Variants in CHRNA4 observed in about 807,000 individuals in gnomAD.
CHRNA4 encodes neuronal acetylcholine receptor subunit alpha-4.
Under a neutral mutation model 48.9 loss-of-function variants are expected in CHRNA4, and 28 were observed. The observed-to-expected ratio is 0.57, with a 90% confidence interval of 0.42 to 0.79. The LOEUF is 0.79. Among genes scored for constraint, CHRNA4 ranks in the 30% least tolerant of loss-of-function variants. The pLI, the probability that CHRNA4 is intolerant of heterozygous loss-of-function variation, is 0.00. For missense variants in CHRNA4, 859 were observed against 898.4 expected, an observed-to-expected ratio of 0.96 and a Z score of 0.56; for synonymous variants, 425 against 402.3, an observed-to-expected ratio of 1.06 and a Z score of -0.68.
chr20:63,347,233 G>A (rs968375500), intron 5 of CHRNA4, among the ~76,000 whole-genome samples: 6 of 152,216 alleles, frequency 3.9e-5, no homozygotes, highest in Non-Finnish European at 7.4e-5. Flanking sequence ...CAGGCACCCC[G>A]TGAGCGGTCT....
At chr20:63,354,106 C>T (rs2068676951) in intron 4 of CHRNA4, among the ~76,000 whole-genome samples, 1 of 98,808 alleles carries the variant, frequency 1.0e-5, no homozygotes, top group Non-Finnish European at 1.9e-5. Context: ...GCACTGTAGC[C>T]CTAGGGTGGG....
chr20:63,356,416 C>G lies in CHRNA4; in HGVS notation c.229-1G>C. 3 of 1,600,900 alleles carry G rather than the reference C, an allele frequency of 1.9e-6. No individual in the cohort carries two copies. The highest frequency in any genetic ancestry group is 2.6e-6 in the Non-Finnish European group (3 of 1,174,118). On this transcript the variant is annotated splice_acceptor_variant, in intron 2 of 5. Transcript: ENST00000370263. LOFTEE classifies it high-confidence loss of function. ...TGGTCATCATCTGGTTCTTCTCATC[C>G]TAGGGCACCGAGAGAGGAAGGGGGC... is the stretch of plus-strand genomic sequence containing the variant.
chr20:63,347,986 C>T (rs553270064), intron 5 of CHRNA4, among the ~76,000 whole-genome samples: 7 of 152,340 alleles, frequency 4.6e-5, no homozygotes, highest in Admixed American at 1.3e-4. Flanking sequence ...GCTCTGGGGG[C>T]GGGGACGCGG....
chr20:63,352,429 G>A (rs1053040755), intron 4 of CHRNA4, among the ~76,000 whole-genome samples: 2 of 152,140 alleles, frequency 1.3e-5, no homozygotes, highest in Non-Finnish European at 1.5e-5. Flanking sequence ...AGCCAACACC[G>A]CCGGCTGGGC....
Position 63,350,720 on chromosome 20 carries a change from G to C in CHRNA4, c.691C>G (p.Pro231Ala). 1.9e-6 allele frequency: 3 copies of C among 1,594,096 alleles called. No individual in the cohort carries two copies. The highest frequency in any genetic ancestry group is 2.6e-6 in the Non-Finnish European group (3 of 1,170,570). ...RKYECCAEIY[P>A]DITYAFVIRR... ...ATGACGAAGGCATAGGTGATGTCCGGGTAGATCTCGGCACAGCACTCGTAC... is the reference window on the plus strand; with the variant it reads ...ATGACGAAGGCATAGGTGATGTCCGCGTAGATCTCGGCACAGCACTCGTAC... The change falls in exon 5 of 6, where the codon CCG (proline) becomes GCG (alanine). Residue 231 changes from proline to alanine, a missense_variant. Pro to Ala is a conservative substitution (Grantham distance 27). This residue lies in a region of CHRNA4 where 342 missense variants were observed against 365.3 expected (regional missense o/e 0.94). Transcript: ENST00000370263.
chr20:63,356,099 G>T lies in CHRNA4; in HGVS notation c.274-15C>A. ...TCGTGCCACTCCTGGATGAGGTGGG[G>T]CGGGGGGAGGCTGCAGGGTGAGGGG... is the stretch of plus-strand genomic sequence containing the variant. On this transcript the variant is annotated splice_polypyrimidine_tract_variant and intron_variant, in intron 3 of 5. Transcript: ENST00000370263. 1.3e-6 allele frequency: 2 copies of T among 1,552,208 alleles called. No homozygotes were observed. Among genetic ancestry groups the T allele is most frequent in the Non-Finnish European group, 1.7e-6 (2 of 1,143,610 alleles).
chr20:63,343,778 G>A lies in CHRNA4; in HGVS notation c.*2960C>T. 1 of 453,848 alleles carries A rather than the reference G, an allele frequency of 2.2e-6. No individual in the cohort carries two copies. Among genetic ancestry groups the A allele is most frequent in the Non-Finnish European group, 4.4e-6 (1 of 226,536 alleles). 28.1% of individuals were successfully genotyped at this position (453,848 alleles called of 1,614,324 possible). ...GGGCCGGCGCCCCGGCAGGCTTCGA[G>A]CTGCAGCAGTGTCTCCCGCTGCCTG... On this transcript the variant is annotated 3_prime_UTR_variant, in exon 6 of 6. Coordinates refer to ENST00000370263, the MANE Select transcript of CHRNA4 (RefSeq NM_000744.7).
Position 63,361,151 on chromosome 20 carries a change from GC to G in CHRNA4, c.14del (p.Gly5AlafsTer37), listed in dbSNP as rs2068814247. On this transcript the variant is annotated frameshift_variant, in exon 1 of 6. Transcript: ENST00000370263. LOFTEE classifies it high-confidence loss of function. ...GCGGCAGCAGCCGCGGCGCTCCGGGGCCCCCTAGCTCCATGGCGCACGCACC... is the reference window on the plus strand; with the variant it reads ...GCGGCAGCAGCCGCGGCGCTCCGGGGCCCCTAGCTCCATGGCGCACGCACC... MELG[G>X]PGAPRLLPPL... The G allele has an allele frequency of 2.0e-6, 3 of 1,480,270 alleles. No homozygotes were observed. Among genetic ancestry groups the G allele is most frequent in the South Asian group, 2.6e-5 (2 of 78,400 alleles). 91.7% of individuals were successfully genotyped at this position (1,480,270 alleles called of 1,614,324 possible).
At chr20:63,356,552 G>A (rs1181905133) in intron 2 of CHRNA4, 137 bp from the exon 3 acceptor site, 2 of 894,242 alleles carry the variant, frequency 2.2e-6, no homozygotes, top group East Asian at 2.6e-5. Context: ...TGGAGGGGGT[G>A]AGTGCCCCGT....
chr20:63,345,990 C>A lies in CHRNA4; in HGVS notation c.*748G>T, dbSNP rs2068486925. 1.3e-5 allele frequency: 6 copies of A among 453,956 alleles called. No individual in the cohort carries two copies. The highest frequency in any genetic ancestry group is 2.6e-5 in the Non-Finnish European group (6 of 226,762). 28.1% of individuals were successfully genotyped at this position (453,956 alleles called of 1,614,324 possible). ...GGCAGAGTCCTGGTCTCCAGACTCG[C>A]TGGGGCTGGGTGTTCCTGTCCCCCG... On this transcript the variant is annotated 3_prime_UTR_variant, in exon 6 of 6. Coordinates refer to ENST00000370263, the MANE Select transcript of CHRNA4 (RefSeq NM_000744.7). This position sits in a 1 kb window ranked among gnomAD's most constrained non-coding sequence, Gnocchi z 5.4.
intron 3 of CHRNA4, 68 bp from the exon 4 acceptor site, chr20:63,356,152 GC>G (rs2068715241): frequency 5.4e-6 from 3 of 553,926 alleles, no homozygotes; most frequent in Non-Finnish European, 5.9e-6. Flanking sequence ...GCGGGACAGG[GC>G]CAGGGTGGGG....
In CHRNA4 at chr20:63,349,795, G is replaced by C. The variant is rs375524982; in HGVS notation, c.1616C>G (p.Ser539Trp). 1.2e-6 allele frequency: 2 copies of C among 1,607,300 alleles called. No individual in the cohort carries two copies. Among genetic ancestry groups the C allele is most frequent in the Non-Finnish European group, 1.7e-6 (2 of 1,175,674 alleles). ...CTTGACCGTGGCGCTCGGGGACACC[G>C]AAGAGGGCTCCTTCTTGCATGTGCA... is the stretch of plus-strand genomic sequence containing the variant. ...CKCTCKKEPS[S>W]VSPSATVKTR... The change falls in exon 5 of 6, where the codon TCG becomes TGG. Residue 539 changes from serine to tryptophan, a missense_variant. Around this residue, in one of 3 missense-constraint regions of CHRNA4, gnomAD observed 478 missense variants for 455.4 expected, o/e 1.05. Coordinates refer to ENST00000370263, the MANE Select transcript of CHRNA4 (RefSeq NM_000744.7).
rs1300648150 is a variant in CHRNA4, at chr20:63,346,543, G to A, written c.*195C>T. 1 of 807,848 alleles carries A rather than the reference G, an allele frequency of 1.2e-6. No homozygotes were observed. Among genetic ancestry groups the A allele is most frequent in the Admixed American group, 2.0e-5 (1 of 49,744 alleles). The allele number at this position is 807,848 out of a possible 1,614,324, so 50.0% of individuals were successfully genotyped here. On this transcript the variant is annotated 3_prime_UTR_variant, in exon 6 of 6. Transcript: ENST00000370263. ...TGAGGCCACAGTCCAACTGGAAGCA[G>A]CTCCACACTCGGTCTCCCCAGAGGC...
intron 2 of CHRNA4, among the ~76,000 whole-genome samples, chr20:63,358,168 G>T (rs1334849086): frequency 6.6e-6 from 1 of 152,188 alleles, no homozygotes; most frequent in Non-Finnish European, 1.5e-5. Flanking sequence ...CCAGGACACT[G>T]AGGCTGGAGG....
intron 2 of CHRNA4, 199 bp from the exon 3 acceptor site, chr20:63,356,614 TGG>T: frequency 1.6e-6 from 1 of 629,768 alleles, no homozygotes; most frequent in South Asian, 1.8e-5. Context: ...CCTAGGGATG[TGG>T]GGACAAGGCC....
rs865942443 is a variant in CHRNA4, at chr20:63,346,303, C to T, written c.*435G>A. The T allele has an allele frequency of 2.6e-5, 12 of 454,230 alleles. No individual in the cohort carries two copies. Among genetic ancestry groups the T allele is most frequent in the Middle Eastern group, 6.8e-4 (1 of 1,470 alleles). The allele number at this position is 454,230 out of a possible 1,614,324, so 28.1% of individuals were successfully genotyped here. ...GGACACGGTGGGTGGGAGAGGCGGCCGGGCCTCCAGAAGACGGGGCGCTTG... is the reference window on the plus strand; with the variant it reads ...GGACACGGTGGGTGGGAGAGGCGGCTGGGCCTCCAGAAGACGGGGCGCTTG... On this transcript the variant is annotated 3_prime_UTR_variant, in exon 6 of 6. Coordinates refer to ENST00000370263, the MANE Select transcript of CHRNA4 (RefSeq NM_000744.7).
rs1344381856 is a variant in CHRNA4, at chr20:63,346,135, C to A, written c.*603G>T. The A allele has an allele frequency of 4.4e-6, 2 of 454,122 alleles. No homozygotes were observed. The highest frequency in any genetic ancestry group is 8.8e-6 in the Non-Finnish European group (2 of 226,774). 28.1% of individuals were successfully genotyped at this position (454,122 alleles called of 1,614,324 possible). ...CTTAGGCACAAGACTTGAGTTCTCACTAACTTACCCAAAACACAACCAAAC... is the reference window on the plus strand; with the variant it reads ...CTTAGGCACAAGACTTGAGTTCTCAATAACTTACCCAAAACACAACCAAAC... On this transcript the variant is annotated 3_prime_UTR_variant, in exon 6 of 6. Transcript: ENST00000370263.
rs2123469974 is a variant in CHRNA4, at chr20:63,349,798, G to A, written c.1613C>T (p.Ser538Phe). 1.9e-6 allele frequency: 3 copies of A among 1,607,178 alleles called. No individual in the cohort carries two copies. The highest frequency in any genetic ancestry group is 1.7e-6 in the Non-Finnish European group (2 of 1,175,550). Residue 538 changes from serine to phenylalanine, a missense_variant, in exon 5 of 6, where the codon TCT becomes TTT. Around this residue, in one of 3 missense-constraint regions of CHRNA4, gnomAD observed 478 missense variants for 455.4 expected, o/e 1.05. Transcript: ENST00000370263. ...PCKCTCKKEPSSVSPSATVKT... is the reference protein window; with the variant it reads ...PCKCTCKKEPFSVSPSATVKT... ...GACCGTGGCGCTCGGGGACACCGAA[G>A]AGGGCTCCTTCTTGCATGTGCATTT...
intron 4 of CHRNA4, among the ~76,000 whole-genome samples, chr20:63,351,945 C>T (rs1317188040): frequency 3.3e-5 from 5 of 152,206 alleles, no homozygotes; most frequent in African/African-American, 7.2e-5. Context: ...GCCAGGCTCA[C>T]GGGGGCAGCA....
Sources: gnomAD v4.1 joint callset for allele counts (sites outside exome capture counted in the v4.1 genomes callset) on GRCh38, gnomAD v4.1.1 for gene constraint, gnomAD v4.1.1 regional missense constraint, Gnocchi (gnomAD v3.1) non-coding constraint, MANE v1.5 for transcripts, NCBI Gene and HGNC (gene_info 2026-07-23, HGNC 2026-07-21) for gene names.